The following DNMT3B variants were observed in gnomAD, a reference collection of about 807,000 sequenced individuals.
DNMT3B encodes DNA methyltransferase 3 beta.
A neutral mutation model predicts 120.2 loss-of-function variants in DNMT3B; 37 were observed. The observed-to-expected ratio is 0.31, with a 90% CI of 0.24 to 0.40. DNMT3B has a LOEUF of 0.40. DNMT3B is among the 10% of genes least tolerant of loss of function. The pLI, the probability that DNMT3B is intolerant of heterozygous loss-of-function variation, is 1.00. For missense variants in DNMT3B, 878 were observed against 1,137.3 expected, an observed-to-expected ratio of 0.77 and a Z score of 3.28; for synonymous variants, 412 against 442.8, an observed-to-expected ratio of 0.93 and a Z score of 0.87.
At chr20:32,775,821 C>G (rs886420230) in intron 1 of DNMT3B, among the ~76,000 whole-genome samples, 1 of 152,254 alleles carries the variant, frequency 6.6e-6, no homozygotes, top group Non-Finnish European at 1.5e-5. Flanking sequence ...ATTCCAGGCA[C>G]GTGCCCTGGA....
chr20:32,800,782 G>A, intron 17 of DNMT3B, 53 bp from the exon 18 acceptor site: 1 of 1,592,698 alleles, frequency 6.3e-7, no homozygotes, highest in African/African-American at 1.3e-5. Flanking sequence ...AGTGGGTCCA[G>A]CTCTCTTTCC....
At chr20:32,800,373 C>T (rs1981182986) in intron 17 of DNMT3B, 75 bp downstream of exon 17, 1 of 1,595,358 alleles carries the variant, frequency 6.3e-7, no homozygotes, top group African/African-American at 1.3e-5. Context: ...CTGAAACCCA[C>T]ATGTAGGCCC....
chr20:32,798,730 G>T (rs1601121978), intron 15 of DNMT3B, 87 bp downstream of exon 15: 16 of 1,582,280 alleles, frequency 1.0e-5, no homozygotes, highest in African/African-American at 4.0e-5. Flanking sequence ...AAGAGTAATA[G>T]AAGTAAAGAC....
At chr20:32,793,416 C>T (rs964544151) in intron 9 of DNMT3B, 120 bp from the exon 10 acceptor site, 29 of 1,147,082 alleles carry the variant, frequency 2.5e-5, no homozygotes, top group Non-Finnish European at 2.9e-5. Context: ...TGCAGTGCGC[C>T]GAGATCGCAC....
chr20:32,789,136 G>A, intron 7 of DNMT3B, 124 bp downstream of exon 7: 1 of 1,415,692 alleles, frequency 7.1e-7, no homozygotes, highest in Non-Finnish European at 9.5e-7. Flanking sequence ...ACACTGTCTG[G>A]GAGGAAGGAC....
rs1982131564 is a variant in DNMT3B at position 32,807,790 on chromosome 20, G to C, written c.2449G>C (p.Asp817His). 1 of 1,614,070 alleles carries C rather than the reference G, an allele frequency of 6.2e-7. No individual in the cohort carries two copies. Among genetic ancestry groups the C allele is most frequent in the African/African-American group, 1.3e-5 (1 of 74,928 alleles). Residue 817 changes from aspartate (D) to histidine (H), a missense_variant, in exon 23 of 23, where the codon GAC (aspartate) becomes CAC (histidine). Physicochemically the swap from Asp to His is moderately conservative, Grantham distance 81. This residue lies in a region of DNMT3B where 334 missense variants were observed against 518.8 expected (regional missense o/e 0.64). Transcript: ENST00000328111. Reference protein sequence around the residue: ...RIFGFPVHYTDVSNMGRGARQ... With the variant: ...RIFGFPVHYTHVSNMGRGARQ... Reference sequence around the variant, plus strand: ...CTTTGGCTTTCCTGTGCACTACACAGACGTGTCCAACATGGGCCGTGGTGC... The same window carrying C: ...CTTTGGCTTTCCTGTGCACTACACACACGTGTCCAACATGGGCCGTGGTGC...
At position 32,780,452 on chromosome 20, in the gene DNMT3B, C is replaced by G; in HGVS notation, c.129C>G (p.Thr43=). The G allele has an allele frequency of 6.2e-7, 1 of 1,613,112 alleles. No homozygotes were observed. Among genetic ancestry groups the G allele is most frequent in the Non-Finnish European group, 8.5e-7 (1 of 1,179,992 alleles). The change falls in exon 2 of 23, where the codon ACC becomes ACG. Residue 43 remains threonine, a synonymous_variant. Coordinates refer to ENST00000328111, the MANE Select transcript of DNMT3B (RefSeq NM_006892.4). ...DSPPILEAIR[T]PEIRGRRSSS... ...CCCCAATCCTGGAGGCTATCCGCAC[C>G]CCGGAGATCAGAGGTGGCTGGGCAG...
chr20:32,777,639 C>T (rs1988133525), intron 1 of DNMT3B, among the ~76,000 whole-genome samples: 1 of 152,156 alleles, frequency 6.6e-6, no homozygotes, highest in East Asian at 1.9e-4. Context: ...GTAGCCCCAC[C>T]TCCCACTCTA....
intron 14 of DNMT3B, among the ~76,000 whole-genome samples, 191 bp downstream of exon 14, chr20:32,797,490 T>A (rs911186176): frequency 6.6e-6 from 1 of 152,210 alleles, no homozygotes; most frequent in Non-Finnish European, 1.5e-5. Flanking sequence ...GTAGAACTCA[T>A]GTATAGGGAA....
At chr20:32,799,823 TG>T (rs1981099502) in intron 16 of DNMT3B, among the ~76,000 whole-genome samples, 1 of 152,262 alleles carries the variant, frequency 6.6e-6, no homozygotes, top group African/African-American at 2.4e-5. Context: ...TGGGCAGTCT[TG>T]GTCATTTTAA....
chr20:32,766,936 G>A (rs1024786135), intron 1 of DNMT3B, among the ~76,000 whole-genome samples: 3 of 152,002 alleles, frequency 2.0e-5, no homozygotes, highest in East Asian at 3.9e-4. Flanking sequence ...TGTCGCCCAG[G>A]TTGGAGTGCA....
At chr20:32,770,604 G>A (rs1174709249) in intron 1 of DNMT3B, among the ~76,000 whole-genome samples, 2 of 133,232 alleles carry the variant, frequency 1.5e-5, no homozygotes, top group African/African-American at 6.0e-5. Context: ...ACCATGCTCC[G>A]CCTTACTTTT....
chr20:32,777,594 G>A (rs1166777781), intron 1 of DNMT3B, among the ~76,000 whole-genome samples: 5 of 152,158 alleles, frequency 3.3e-5, no homozygotes, highest in Non-Finnish European at 7.4e-5. Flanking sequence ...GCACTTTGGG[G>A]AGGTGGACCC....
intron 4 of DNMT3B, among the ~76,000 whole-genome samples, chr20:32,785,119 A>G (rs1231857062): frequency 6.6e-6 from 1 of 151,402 alleles, no homozygotes; most frequent in Non-Finnish European, 1.5e-5. Flanking sequence ...TCACTGCAAC[A>G]ACCTCTGCCT....
intron 1 of DNMT3B, among the ~76,000 whole-genome samples, chr20:32,768,684 AGGAGGCTCTGGAGATGGGAATGG>A (rs1178996999): frequency 1.3e-5 from 2 of 152,186 alleles, no homozygotes; most frequent in African/African-American, 4.8e-5. Context: ...GAATGGATAC[AGGAGGCTCTGGAGATGGGAATGG>A]GGAGGCACTA....
intron 1 of DNMT3B, among the ~76,000 whole-genome samples, chr20:32,777,058 G>A (rs538606667): frequency 1.3e-5 from 2 of 152,192 alleles, no homozygotes; most frequent in African/African-American, 2.4e-5. Context: ...CACTACAAAC[G>A]TAGGGTCGTG....
chr20:32,780,320 A>G lies in DNMT3B; in HGVS notation c.-4A>G, dbSNP rs755258723. On this transcript the variant is annotated splice_region_variant and 5_prime_UTR_variant, in exon 2 of 23. Transcript: ENST00000328111. ...ACCCATTCTGGCTTCTCCCACAGGA[A>G]AGCATGAAGGGAGACACCAGGCATC... is the stretch of plus-strand genomic sequence containing the variant. 7 of 1,613,832 alleles carry G rather than the reference A, an allele frequency of 4.3e-6. No individual in the cohort carries two copies. In the East Asian group the frequency reaches 1.6e-4, roughly 36 times the overall value.
In DNMT3B at chr20:32,787,208, CTA is replaced by C; in HGVS notation, c.433-20_433-19del. The C allele has an allele frequency of 1.2e-6, 2 of 1,614,144 alleles. No homozygotes were observed. Among genetic ancestry groups the C allele is most frequent in the Non-Finnish European group, 1.7e-6 (2 of 1,179,980 alleles). ...CCGACATCCTTTGCTCTGGCCCAAA[CTA>C]TGTGTCCTTCTGTCCACAGTCCCTG... On this transcript the variant is annotated intron_variant, in intron 5 of 22. Transcript: ENST00000328111.
chr20:32,781,296 G>A (rs1219891349), intron 2 of DNMT3B, 57 bp from the exon 3 acceptor site: 23 of 1,597,850 alleles, frequency 1.4e-5, no homozygotes, highest in South Asian at 3.3e-5. Context: ...TAGCAAGGCC[G>A]TTCCCCAGAC....
Sources: gnomAD v4.1 joint callset for allele counts (sites outside exome capture counted in the v4.1 genomes callset) on GRCh38, gnomAD v4.1.1 for gene constraint, gnomAD v4.1.1 regional missense constraint, MANE v1.5 for transcripts, NCBI Gene and HGNC (gene_info 2026-07-23, HGNC 2026-07-21) for gene names.